Variants in ABI3BP observed in about 807,000 individuals in gnomAD.
ABI3BP encodes target of Nesh-SH3.
A neutral mutation model predicts 268.6 loss-of-function variants in ABI3BP; 216 were observed. That is an observed-to-expected ratio of 0.80 (90% CI 0.72 to 0.90). ABI3BP has a LOEUF of 0.90. ABI3BP is among the 40% of genes least tolerant of loss of function. The pLI is 0.00. For synonymous variants in ABI3BP, 730 were observed against 730.0 expected, an observed-to-expected ratio of 1.00 and a Z score of 0.00; for missense variants, 2,090 against 2,182.4, an observed-to-expected ratio of 0.96 and a Z score of 0.84.
intron 36 of ABI3BP, 117 bp downstream of exon 36, chr3:100,824,741 T>G: frequency 1.3e-6 from 1 of 787,280 alleles, no homozygotes; most frequent in Non-Finnish European, 2.0e-6. Context: ...GATGATGCCT[T>G]ATGCCCTCGT....
At chr3:100,859,774 C>A (rs755580320) in intron 14 of ABI3BP, among the ~76,000 whole-genome samples, 6 of 152,156 alleles carry the variant, frequency 3.9e-5, no homozygotes, top group Non-Finnish European at 5.9e-5. Context: ...TACTTAACTA[C>A]CCACTTTGAA....
At chr3:100,889,732 C>T (rs1211093950) in intron 4 of ABI3BP, among the ~76,000 whole-genome samples, 1 of 152,166 alleles carries the variant, frequency 6.6e-6, no homozygotes, top group African/African-American at 2.4e-5. Context: ...TTTGGTTCAA[C>T]TGGCATTATT....
chr3:100,803,738 A>G (rs2097603165), intron 51 of ABI3BP, among the ~76,000 whole-genome samples: 1 of 152,168 alleles, frequency 6.6e-6, no homozygotes, highest in Non-Finnish European at 1.5e-5. Context: ...TGCAAGTGAG[A>G]TGAGGTTTTT....
chr3:100,761,913 A>G (rs1376235687), intron 63 of ABI3BP, among the ~76,000 whole-genome samples: 2 of 152,330 alleles, frequency 1.3e-5, no homozygotes, highest in African/African-American at 2.4e-5. Context: ...CTAGTGTTGG[A>G]ACACTGCTGT....
intron 53 of ABI3BP, among the ~76,000 whole-genome samples, 167 bp downstream of exon 53, chr3:100,795,637 C>T (rs12696195): frequency 0.15 from 22,589 of 151,858 alleles, 1,783 homozygotes; most frequent in East Asian, 0.26. Flanking sequence ...AAACCCATTA[C>T]AACACTGAAA....
chr3:100,770,830 GTGGGTTCTGTGGTGGGCTGGTGGC>G lies in ABI3BP; in HGVS notation c.4630_4653del (p.Ala1544_Pro1551del), dbSNP rs750151237. 2 of 1,600,698 alleles carry G rather than the reference GTGGGTTCTGTGGTGGGCTGGTGGC, an allele frequency of 1.2e-6. No homozygotes were observed. Among genetic ancestry groups the G allele is most frequent in the Non-Finnish European group, 1.7e-6 (2 of 1,173,736 alleles). On this transcript the variant is annotated inframe_deletion, in exon 62 of 68. Coordinates refer to ENST00000471714, the MANE Select transcript of ABI3BP (RefSeq NM_001375547.2). ...ACGGTGACCACAGTGAGGTTGGTGG[GTGGGTTCTGTGGTGGGCTGGTGGC>G]ATTCCCCTCTGTGGCCTCCTCTTTG...
chr3:100,861,187 T>C (rs1560946184), intron 14 of ABI3BP, among the ~76,000 whole-genome samples: 1 of 152,244 alleles, frequency 6.6e-6, no homozygotes, highest in Non-Finnish European at 1.5e-5. Flanking sequence ...CTTTCAAGTG[T>C]GTTCCCACTT....
At chr3:100,791,145 A>G (rs948269453) in intron 55 of ABI3BP, among the ~76,000 whole-genome samples, 1 of 151,922 alleles carries the variant, frequency 6.6e-6, no homozygotes, top group African/African-American at 2.4e-5. Context: ...CAAATATGTT[A>G]AGACAATTTA....
chr3:100,906,371 T>C (rs934607220), intron 2 of ABI3BP, among the ~76,000 whole-genome samples: 2 of 152,242 alleles, frequency 1.3e-5, no homozygotes, highest in African/African-American at 2.4e-5. Context: ...GTGTTGGCTC[T>C]TACTGCTCAT....
In ABI3BP at chr3:100,850,032, T is replaced by C. The variant is rs200776244; in HGVS notation, c.1501+13A>G. 1.9e-5 allele frequency: 30 copies of C among 1,606,662 alleles called. No homozygotes were observed. In the African/African-American group the frequency reaches 3.3e-4, roughly 18 times the overall value. On this transcript the variant is annotated intron_variant, in intron 17 of 67. Coordinates refer to ENST00000471714, the MANE Select transcript of ABI3BP (RefSeq NM_001375547.2). ...GTCAATGCATACATAACTACATAAA[T>C]GTCATTAGTTACCAGGTGTCGTAGG... is the stretch of plus-strand genomic sequence containing the variant.
intron 18 of ABI3BP, among the ~76,000 whole-genome samples, 185 bp downstream of exon 18, chr3:100,848,616 G>T (rs115470188): frequency 6.6e-6 from 1 of 151,934 alleles, no homozygotes; most frequent in African/African-American, 2.4e-5. Flanking sequence ...TTGCAGAGAC[G>T]GGGTCTCACT....
rs2098548737 is a variant in ABI3BP at position 100,834,686 on chromosome 3, A to G, written c.2279T>C (p.Leu760Pro). 4 of 1,535,152 alleles carry G rather than the reference A, an allele frequency of 2.6e-6. No individual in the cohort carries two copies. Among genetic ancestry groups the G allele is most frequent in the Middle Eastern group, 1.7e-4 (1 of 5,978 alleles). ...ACAAGGAACCACATATTATTTACCTAGTTTGGTCTGCAGTGTCTCTGGGCG... is the reference window on the plus strand; with the variant it reads ...ACAAGGAACCACATATTATTTACCTGGTTTGGTCTGCAGTGTCTCTGGGCG... Reference protein sequence around the residue: ...TPRPETLQTKLDFGPITPGTS... With the variant: ...TPRPETLQTKPDFGPITPGTS... The change falls in exon 29 of 68, where the codon CTA becomes CCA. Residue 760 changes from leucine (L) to proline (P), a missense_variant and splice_region_variant. By Grantham distance (98) the Leu-to-Pro change is moderately conservative. Coordinates refer to ENST00000471714, the MANE Select transcript of ABI3BP (RefSeq NM_001375547.2).
At chr3:100,760,006 CAG>C (rs1218284324) in intron 63 of ABI3BP, among the ~76,000 whole-genome samples, 2 of 152,156 alleles carry the variant, frequency 1.3e-5, no homozygotes, top group Non-Finnish European at 2.9e-5. Flanking sequence ...GCCAGATTGA[CAG>C]TGTATAAGAA....
At chr3:100,857,428 G>A (rs1048201786) in intron 14 of ABI3BP, among the ~76,000 whole-genome samples, 2 of 152,110 alleles carry the variant, frequency 1.3e-5, no homozygotes, top group East Asian at 3.9e-4. Flanking sequence ...TTTATAGATG[G>A]AACAAGTTAT....
At chr3:100,973,845 G>T (rs1390976013) in intron 1 of ABI3BP, among the ~76,000 whole-genome samples, 3 of 152,042 alleles carry the variant, frequency 2.0e-5, no homozygotes, top group Non-Finnish European at 4.4e-5. Context: ...AAACTTTTTT[G>T]AAAGTTCCCT....
chr3:100,916,665 T>C (rs537138731), intron 2 of ABI3BP, among the ~76,000 whole-genome samples: 5 of 152,318 alleles, frequency 3.3e-5, no homozygotes, highest in African/African-American at 9.6e-5. Context: ...AATCATCAGC[T>C]AACTGGTTGA....
chr3:100,864,645 A>G (rs2099031907), intron 11 of ABI3BP, 188 bp downstream of exon 11: 1 of 559,830 alleles, frequency 1.8e-6, no homozygotes, highest in East Asian at 3.0e-5. Flanking sequence ...AGGATCAGCC[A>G]TGTGGTTAAC....
chr3:100,890,613 T>C (rs1582135943), intron 4 of ABI3BP, among the ~76,000 whole-genome samples: 1 of 152,166 alleles, frequency 6.6e-6, no homozygotes, highest in East Asian at 1.9e-4. Context: ...TATTTTAACA[T>C]GAAATTTCTT....
chr3:100,985,667 G>C (rs1256698099), intron 1 of ABI3BP, among the ~76,000 whole-genome samples: 1 of 152,118 alleles, frequency 6.6e-6, no homozygotes, highest in Non-Finnish European at 1.5e-5. Flanking sequence ...TCTAGGCATT[G>C]ACTGGGATCC....
Sources: allele counts gnomAD v4.1 joint callset (sites outside exome capture counted in the v4.1 genomes callset), GRCh38; gene constraint gnomAD v4.1.1; transcripts MANE v1.5; gene names NCBI Gene and HGNC (gene_info 2026-07-23, HGNC 2026-07-21).